The following TP63 variants were observed in gnomAD, a reference collection of about 807,000 sequenced individuals.
TP63 encodes tumor protein p63.
In TP63, 17 loss-of-function variants were observed where a neutral mutation model predicts 82.8. That is an observed-to-expected ratio of 0.21 (90% CI 0.14 to 0.31). The LOEUF (loss-of-function observed/expected upper bound fraction) is 0.31, where lower values mean the gene tolerates loss of function less well. TP63 is among the 10% of genes least tolerant of loss of function. The probability of loss-of-function intolerance (pLI) is 1.00; values close to 1 mark genes in which losing one functional copy is unlikely to be tolerated. For missense variants in TP63, 648 were observed against 895.3 expected, an observed-to-expected ratio of 0.72 and a Z score of 3.52; for synonymous variants, 330 against 321.7, an observed-to-expected ratio of 1.03 and a Z score of -0.28.
intron 1 of TP63, among the ~76,000 whole-genome samples, chr3:189,656,630 A>T (rs936261863): frequency 9.9e-5 from 15 of 152,148 alleles, no homozygotes. Context: ...ACTCACTTTA[A>T]ATACAAGGAC....
At chr3:189,736,763 C>G (rs886531101) in intron 1 of TP63, among the ~76,000 whole-genome samples, 1 of 148,622 alleles carries the variant, frequency 6.7e-6, no homozygotes, top group African/African-American at 2.5e-5. Flanking sequence ...ATTACTAGAC[C>G]AGAACACATA....
intron 4 of TP63, among the ~76,000 whole-genome samples, chr3:189,812,118 A>G (rs867818287): frequency 1.3e-5 from 2 of 152,108 alleles, no homozygotes; most frequent in Non-Finnish European, 2.9e-5. Context: ...TTTTAGTACC[A>G]TTTTATCACT....
rs566005288 is a variant in TP63, at chr3:189,818,729, CTG to C, written c.579+10205_579+10206del. Among the ~76,000 whole-genome samples, 292 of 152,064 alleles carry C rather than the reference CTG, an allele frequency of 1.9e-3. 1 individual carries two copies. The highest frequency in any genetic ancestry group is 6.8e-3 in the African/African-American group (280 of 41,474). On this transcript the variant is annotated intron_variant, in intron 4 of 13. Transcript: ENST00000264731. ...AGAATTTTGCTTGTAAGAAAAAAAACTGTATCTGATTGAATTTGAAAATGTAG... is the reference window on the plus strand; with the variant it reads ...AGAATTTTGCTTGTAAGAAAAAAAACTATCTGATTGAATTTGAAAATGTAG...
At chr3:189,845,021 A>G (rs926219098) in intron 4 of TP63, among the ~76,000 whole-genome samples, 20 of 152,190 alleles carry the variant, frequency 1.3e-4, no homozygotes, top group Non-Finnish European at 2.6e-4. Flanking sequence ...TTATAAAAGG[A>G]CATTTTTAAT....
At chr3:189,751,010 T>A (rs1329801131) in intron 3 of TP63, among the ~76,000 whole-genome samples, 3 of 152,192 alleles carry the variant, frequency 2.0e-5, no homozygotes, top group South Asian at 2.1e-4. Context: ...TGATGTTCCC[T>A]GCCCTGTGTC....
chr3:189,614,592 T>C, the TP63 span, among the ~76,000 whole-genome samples: 1 of 152,254 alleles, frequency 6.6e-6, no homozygotes, highest in Non-Finnish European at 1.5e-5. Context: ...AGACGTCCTA[T>C]GTATACAGTA....
intron 1 of TP63, among the ~76,000 whole-genome samples, chr3:189,643,553 G>T (rs1411033620): frequency 6.6e-6 from 1 of 151,890 alleles, no homozygotes; most frequent in Non-Finnish European, 1.5e-5. Flanking sequence ...TTGGTGATGT[G>T]GATCAAGCCC....
intron 10 of TP63, among the ~76,000 whole-genome samples, chr3:189,885,964 A>T (rs1720404533): frequency 6.6e-6 from 1 of 152,216 alleles, no homozygotes; most frequent in Non-Finnish European, 1.5e-5. Flanking sequence ...CTACAAATGG[A>T]ATGCCTTAGC....
chr3:189,645,089 T>A (rs1560080914), intron 1 of TP63, among the ~76,000 whole-genome samples: 1 of 152,186 alleles, frequency 6.6e-6, no homozygotes, highest in Non-Finnish European at 1.5e-5. Context: ...TGAATCGATA[T>A]AAACCTATTC....
In TP63 at chr3:189,847,871, A is replaced by G. The variant is rs1049916468; in HGVS notation, c.580-16361A>G. 2.0e-5 allele frequency among the ~76,000 whole-genome samples: 3 copies of G among 152,238 alleles called. No individual in the cohort carries two copies. In the East Asian group the frequency reaches 5.8e-4, roughly 29 times the overall value. On this transcript the variant is annotated intron_variant, in intron 4 of 13. Transcript: ENST00000264731. ...AATAAGTATATATACTCCTGTAAGA[A>G]TTTGGTGATCATATTTTTATTTTTG...
intron 3 of TP63, among the ~76,000 whole-genome samples, chr3:189,763,238 C>T (rs1374295860): frequency 3.3e-5 from 5 of 152,116 alleles, no homozygotes; most frequent in Admixed American, 1.3e-4. Flanking sequence ...TGTGCCACTG[C>T]ACTCTAGCAT....
chr3:189,659,252 C>CT (rs1346353797), intron 1 of TP63, among the ~76,000 whole-genome samples: 1 of 151,920 alleles, frequency 6.6e-6, no homozygotes, highest in Non-Finnish European at 1.5e-5. Context: ...CTGTTGCCAT[C>CT]TTTATGTCCC....
At chr3:189,676,825 G>T (rs1268392113) in intron 1 of TP63, among the ~76,000 whole-genome samples, 2 of 152,016 alleles carry the variant, frequency 1.3e-5, no homozygotes, top group South Asian at 2.1e-4. Flanking sequence ...AATTCCTGAC[G>T]ATCTGAGGTG....
At chr3:189,667,138 A>C (rs1714465317) in intron 1 of TP63, among the ~76,000 whole-genome samples, 1 of 150,838 alleles carries the variant, frequency 6.6e-6, no homozygotes, top group African/African-American at 2.4e-5. Context: ...ATAGCACGAC[A>C]GTCCCACTGA....
At chr3:189,810,926 C>T (rs1213072921) in intron 4 of TP63, among the ~76,000 whole-genome samples, 1 of 151,834 alleles carries the variant, frequency 6.6e-6, no homozygotes, top group Non-Finnish European at 1.5e-5. Flanking sequence ...CTCAAAGCCC[C>T]TCTCTCAGAG....
intron 1 of TP63, among the ~76,000 whole-genome samples, chr3:189,663,583 G>A (rs990300547): frequency 2.5e-5 from 3 of 121,280 alleles, no homozygotes; most frequent in South Asian, 2.8e-4. Context: ...GCTGGAGTTC[G>A]GCAGTACAAT....
intron 4 of TP63, among the ~76,000 whole-genome samples, chr3:189,846,611 GGTGTGTGTGT>G (rs71861936): frequency 2.7e-4 from 38 of 141,258 alleles, no homozygotes; most frequent in East Asian, 8.4e-4. Flanking sequence ...TGGCCAGTAG[GGTGTGTGTGT>G]GTGTGTGTGT....
chr3:189,840,359 C>CTTTTTTTTTTTTTTTTTTTTTTTTTTCT (rs1713831886), intron 4 of TP63, among the ~76,000 whole-genome samples: 2 of 44,448 alleles, frequency 4.5e-5, no homozygotes, highest in African/African-American at 1.1e-4. Flanking sequence ...TGCTTTTCGT[C>CTTTTTTTTTTTTTTTTTTTTTTTTTTCT]TTTTTTTTTT....
At chr3:189,667,908 G>T (rs975861354) in intron 1 of TP63, among the ~76,000 whole-genome samples, 7 of 152,032 alleles carry the variant, frequency 4.6e-5, no homozygotes, top group African/African-American at 1.7e-4. Flanking sequence ...AAATAGGTGT[G>T]GCCATGTTCC....
Sources: allele counts gnomAD v4.1 joint callset (sites outside exome capture counted in the v4.1 genomes callset), GRCh38; gene constraint gnomAD v4.1.1; transcripts MANE v1.5; gene names NCBI Gene and HGNC (gene_info 2026-07-23, HGNC 2026-07-21).